The following ZNF808 variants were observed in gnomAD, a reference collection of about 807,000 sequenced individuals.
ZNF808 encodes zinc finger protein 808.
A neutral mutation model predicts 8.7 loss-of-function variants in ZNF808; 5 were observed. The observed-to-expected ratio is 0.58, with a 90% CI of 0.30 to 1.21. The LOEUF is 1.21. ZNF808 is among the 50% of genes most tolerant of loss of function. The pLI is 0.07. For missense variants in ZNF808, 1,103 were observed against 1,098.4 expected, an observed-to-expected ratio of 1.00 and a Z score of -0.06; for synonymous variants, 380 against 366.0, an observed-to-expected ratio of 1.04 and a Z score of -0.44.
chr19:52,567,203 C>T (rs1402944843), downstream of ZNF808, among the ~76,000 whole-genome samples: 2 of 152,046 alleles, frequency 1.3e-5, no homozygotes, highest in Non-Finnish European at 2.9e-5. Flanking sequence ...GCCCCCACGT[C>T]GGCCTTCCAA....
intron 2 of ZNF808, among the ~76,000 whole-genome samples, chr19:52,538,992 G>A (rs1453162057): frequency 1.3e-5 from 2 of 152,004 alleles, no homozygotes; most frequent in Non-Finnish European, 2.9e-5. Flanking sequence ...TTCAGCCAGA[G>A]GACAGTGACT....
At chr19:52,531,272 G>A (rs1000342035) in intron 1 of ZNF808, among the ~76,000 whole-genome samples, 1 of 152,174 alleles carries the variant, frequency 6.6e-6, no homozygotes, top group East Asian at 1.9e-4. Flanking sequence ...TCAGGGGTTC[G>A]AGACCAGCCT....
chr19:52,544,323 G>T (rs1487839411), intron 3 of ZNF808, among the ~76,000 whole-genome samples: 2 of 152,060 alleles, frequency 1.3e-5, no homozygotes, highest in Admixed American at 6.6e-5. Flanking sequence ...ATATGTATGT[G>T]TGTATATTAT....
intron 4 of ZNF808, among the ~76,000 whole-genome samples, chr19:52,550,596 G>T: frequency 6.6e-6 from 1 of 151,668 alleles, no homozygotes; most frequent in East Asian, 1.9e-4. Flanking sequence ...TGCAATCTTG[G>T]CTCACTGCAA....
At chr19:52,550,974 A>G (rs998322001) in intron 4 of ZNF808, among the ~76,000 whole-genome samples, 2 of 152,026 alleles carry the variant, frequency 1.3e-5, no homozygotes, top group Non-Finnish European at 2.9e-5. Context: ...TAATTCTAGC[A>G]CTTTGAAAGG....
chr19:52,544,410 A>G (rs895736173), intron 3 of ZNF808, among the ~76,000 whole-genome samples: 1 of 152,056 alleles, frequency 6.6e-6, no homozygotes, highest in Non-Finnish European at 1.5e-5. Context: ...GGCTCTCTGC[A>G]ACCTCCCCCT....
rs779766359 is a variant in ZNF808 at position 52,555,318 on chromosome 19, T to C, written c.2402T>C (p.Val801Ala). ...TGTACGGTTTGTGACAAGGCTTTCGTGCGTAATTCATACCTGGCAAGACAT... is the reference window on the plus strand; with the variant it reads ...TGTACGGTTTGTGACAAGGCTTTCGCGCGTAATTCATACCTGGCAAGACAT... ...YKCTVCDKAF[V>A]RNSYLARHIR... is the part of the protein sequence containing the mutation. The change falls in exon 5 of 5, where the codon GTG becomes GCG. Residue 801 changes from valine (V) to alanine (A), a missense_variant. Physicochemically the swap from Val to Ala is moderately conservative, Grantham distance 64 (BLOSUM62 0). Coordinates refer to ENST00000359798, the MANE Select transcript of ZNF808 (RefSeq NM_001039886.4). 8.1e-6 allele frequency: 13 copies of C among 1,614,154 alleles called. No homozygotes were observed. Among genetic ancestry groups the C allele is most frequent in the Non-Finnish European group, 1.0e-5 (12 of 1,180,024 alleles).
chr19:52,566,176 G>GT (rs2059872658), downstream of ZNF808, among the ~76,000 whole-genome samples: 1 of 151,618 alleles, frequency 6.6e-6, no homozygotes, highest in Non-Finnish European at 1.5e-5. Flanking sequence ...GTTTTGTTTT[G>GT]TTTTTTGAGA....
downstream of ZNF808, among the ~76,000 whole-genome samples, chr19:52,559,059 A>G (rs565593096): frequency 6.6e-6 from 1 of 152,330 alleles, no homozygotes; most frequent in East Asian, 1.9e-4. Context: ...TGATAGCCTG[A>G]GATATGGCCT....
chr19:52,537,927 A>G (rs138239728), intron 2 of ZNF808, among the ~76,000 whole-genome samples: 54 of 152,216 alleles, frequency 3.5e-4, no homozygotes, highest in African/African-American at 1.2e-3. Context: ...AGTGACATTC[A>G]ATTGTGGGTC....
chr19:52,531,375 T>C (rs2059560540), intron 1 of ZNF808, among the ~76,000 whole-genome samples: 1 of 151,880 alleles, frequency 6.6e-6, no homozygotes, highest in Non-Finnish European at 1.5e-5. Flanking sequence ...CTCGGGAGGC[T>C]GAGGCAGGAG....
At position 52,554,192 on chromosome 19, in the gene ZNF808, C is replaced by G. The variant is rs771910668; in HGVS notation, c.1276C>G (p.Pro426Ala). 6 of 1,613,664 alleles carry G rather than the reference C, an allele frequency of 3.7e-6. No individual in the cohort carries two copies. Among genetic ancestry groups the G allele is most frequent in the Non-Finnish European group, 5.1e-6 (6 of 1,179,746 alleles). The change falls in exon 5 of 5, where the codon CCT (proline) becomes GCT (alanine). Residue 426 changes from proline (P) to alanine (A), a missense_variant. Coordinates refer to ENST00000359798, the MANE Select transcript of ZNF808 (RefSeq NM_001039886.4). Reference sequence around the variant, plus strand: ...TCATATACTTCATACTGGAGAGAAACCTTACAAATGTGAAGAATGTGACAA... The same window carrying G: ...TCATATACTTCATACTGGAGAGAAAGCTTACAAATGTGAAGAATGTGACAA... ...RHHILHTGEK[P>A]YKCEECDKVF...
At chr19:52,568,450 ATAAT>A (rs747725977), downstream of ZNF808, among the ~76,000 whole-genome samples, 27 of 152,212 alleles carry the variant, frequency 1.8e-4, no homozygotes, top group Non-Finnish European at 3.5e-4. Context: ...TTTCGTGTAA[ATAAT>A]TAGGAAAACT....
At chr19:52,532,525 GATTT>G (rs569609738) in intron 1 of ZNF808, among the ~76,000 whole-genome samples, 4 of 152,086 alleles carry the variant, frequency 2.6e-5, no homozygotes, top group African/African-American at 4.8e-5. Flanking sequence ...GGTCTTTTAG[GATTT>G]ATTTGTGTAC....
chr19:52,530,828 C>A (rs955718145), intron 1 of ZNF808, among the ~76,000 whole-genome samples: 5 of 152,034 alleles, frequency 3.3e-5, no homozygotes, highest in Admixed American at 2.6e-4. Context: ...CAAAAATTAG[C>A]TGGCCATGTA....
At chr19:52,566,957 G>GTTTTTTTTT (rs58981436), downstream of ZNF808, among the ~76,000 whole-genome samples, 3 of 145,750 alleles carry the variant, frequency 2.1e-5, no homozygotes, top group Non-Finnish European at 4.5e-5. Context: ...AAGGATAGGT[G>GTTTTTTTTT]TTTTTTTTTT....
intron 2 of ZNF808, among the ~76,000 whole-genome samples, chr19:52,534,907 A>G (rs1376385463): frequency 6.6e-6 from 1 of 152,180 alleles, no homozygotes; most frequent in Non-Finnish European, 1.5e-5. Flanking sequence ...AAGGAAAGAA[A>G]AAAGTAAAAA....
downstream of ZNF808, among the ~76,000 whole-genome samples, chr19:52,568,552 C>T (rs951834418): frequency 3.9e-5 from 6 of 152,156 alleles, no homozygotes; most frequent in African/African-American, 1.4e-4. Context: ...ATCACTCCAT[C>T]ACCAGTCAAG....
At chr19:52,552,486 C>T (rs547780283) in intron 4 of ZNF808, among the ~76,000 whole-genome samples, 25 of 150,916 alleles carry the variant, frequency 1.7e-4, no homozygotes, top group African/African-American at 5.1e-4. Context: ...GATCTTGGCT[C>T]ACTGCAACCT....
Sources: gnomAD v4.1 joint callset for allele counts (sites outside exome capture counted in the v4.1 genomes callset) on GRCh38, gnomAD v4.1.1 for gene constraint, MANE v1.5 for transcripts, NCBI Gene and HGNC (gene_info 2026-07-23, HGNC 2026-07-21) for gene names.